The following NFIC variants were observed in gnomAD, a reference collection of about 807,000 sequenced individuals.
The protein encoded by NFIC is nuclear factor I C.
NFIC carries 12 observed loss-of-function variants against 54.4 expected under a neutral mutation model. The ratio of observed to expected loss-of-function variants is 0.22; its 90% CI spans 0.14 to 0.36. The LOEUF is 0.36. Ranked by LOEUF, NFIC falls within the 10% of genes least tolerant of loss-of-function variation. NFIC has a pLI of 1.00. For synonymous variants in NFIC, 322 were observed against 319.2 expected, an observed-to-expected ratio of 1.01 and a Z score of -0.09; for missense variants, 575 against 718.2, an observed-to-expected ratio of 0.80 and a Z score of 2.28.
rs988799370 is a variant in NFIC at position 3,454,018 on chromosome 19, C to T, written c.1423+102C>T. 3.6e-6 allele frequency: 5 copies of T among 1,397,172 alleles called. No individual in the cohort carries two copies. In the African/African-American group the frequency reaches 4.5e-5, roughly 13 times the overall value. 86.5% of individuals were successfully genotyped at this position (1,397,172 alleles called of 1,614,324 possible). ...AGGTCAGAGGTCAGGCCCGACCCTG[C>T]AGGGCCTGGCGAGTTTGGTGGGTCT... On this transcript the variant is annotated intron_variant, in intron 9 of 10. Coordinates refer to ENST00000443272, the MANE Select transcript of NFIC (RefSeq NM_001245002.2).
At position 3,458,470 on chromosome 19, in the gene NFIC, T is replaced by G. The variant is rs1238994770; in HGVS notation, c.1509+1835T>G. Among the ~76,000 whole-genome samples the G allele has an allele frequency of 6.6e-6, 1 of 151,934 alleles. No homozygotes were observed. Among genetic ancestry groups the G allele is most frequent in the East Asian group, 1.9e-4 (1 of 5,166 alleles). On this transcript the variant is annotated intron_variant, in intron 10 of 10. Coordinates refer to ENST00000443272, the MANE Select transcript of NFIC (RefSeq NM_001245002.2). This position sits in a 1 kb window ranked among gnomAD's most constrained non-coding sequence, Gnocchi z 4.1. ...CCCTCCCGCCAGGGCCCGGGACCCT[T>G]CTCTCAGACTGTGCTGGCTCCAGCC...
intron 3 of NFIC, among the ~76,000 whole-genome samples, chr19:3,425,648 C>T (rs963120550): frequency 2.6e-5 from 4 of 151,578 alleles, no homozygotes; most frequent in Non-Finnish European, 5.9e-5. Context: ...TTAGTAGAGA[C>T]GGGGTTTCAC....
chr19:3,402,964 C>A (rs1001096736), intron 2 of NFIC, among the ~76,000 whole-genome samples: 1 of 152,094 alleles, frequency 6.6e-6, no homozygotes, highest in Non-Finnish European at 1.5e-5. Flanking sequence ...TTTGACTACT[C>A]CCCCAAATCT....
At chr19:3,359,767 T>TG in intron 1 of NFIC, 1 of 1,305,376 alleles carries the variant, frequency 7.7e-7, no homozygotes, top group Non-Finnish European at 9.9e-7. Context: ...TTGCAAGATC[T>TG]GGGGGGACAG....
intron 5 of NFIC, 103 bp from the exon 6 acceptor site, chr19:3,434,980 T>C: frequency 7.2e-7 from 1 of 1,395,302 alleles, no homozygotes; most frequent in Non-Finnish European, 9.6e-7. Flanking sequence ...ACTACCTCCC[T>C]CGCCCCCGCT....
chr19:3,376,623 A>T (rs1423360384), intron 1 of NFIC, among the ~76,000 whole-genome samples: 1 of 152,068 alleles, frequency 6.6e-6, no homozygotes, highest in African/African-American at 2.4e-5. Flanking sequence ...AGTCCCAGCT[A>T]CTCAGGAAGC....
At chr19:3,371,900 C>CTTCCTTCT (rs2081018832) in intron 1 of NFIC, among the ~76,000 whole-genome samples, 1 of 117,208 alleles carries the variant, frequency 8.5e-6, no homozygotes, top group Non-Finnish European at 1.8e-5. Context: ...TCCTTCCTTC[C>CTTCCTTCT]TTCCTTCCTT....
At chr19:3,366,123 CT>C (rs1363222846), upstream of NFIC, among the ~76,000 whole-genome samples, 3 of 151,728 alleles carry the variant, frequency 2.0e-5, no homozygotes, top group Non-Finnish European at 4.4e-5. Flanking sequence ...AAATCCACCC[CT>C]GGCCCCTCAA....
At chr19:3,394,526 C>CA (rs2081430057) in intron 2 of NFIC, among the ~76,000 whole-genome samples, 1 of 66,488 alleles carries the variant, frequency 1.5e-5, no homozygotes, top group Admixed American at 1.7e-4. Context: ...CCCACCCACC[C>CA]CCCACCCGCT....
rs1315599124 is a variant in NFIC at position 3,452,699 on chromosome 19, T to G, written c.1269+33T>G. On this transcript the variant is annotated intron_variant, in intron 8 of 10. Transcript: ENST00000443272. The surrounding 1 kb of genome is among the most constrained non-coding windows in gnomAD (Gnocchi z 5.3). ...GGGCGGGGCGCATTCGGGCCTCTCC[T>G]GGCGGCTCCAGGTGACCTCCCGGGG... 1 of 1,555,508 alleles carries G rather than the reference T, an allele frequency of 6.4e-7. No individual in the cohort carries two copies. The highest frequency in any genetic ancestry group is 1.8e-5 in the Admixed American group (1 of 54,156).
At chr19:3,454,173 G>A (rs1033580924) in intron 9 of NFIC, 10 of 1,263,598 alleles carry the variant, frequency 7.9e-6, no homozygotes, top group African/African-American at 1.6e-5. Flanking sequence ...TCACCTGGGG[G>A]ACCCCGGTGC....
At position 3,462,931 on chromosome 19, in the gene NFIC, C is replaced by T. The variant is rs941271922; in HGVS notation, c.*162C>T. The T allele has an allele frequency of 1.8e-5, 27 of 1,469,704 alleles. No individual in the cohort carries two copies. Among genetic ancestry groups the T allele is most frequent in the African/African-American group, 1.1e-4 (8 of 69,840 alleles). The allele number at this position is 1,469,704 out of a possible 1,614,324, so 91.0% of individuals were successfully genotyped here. On this transcript the variant is annotated 3_prime_UTR_variant, in exon 11 of 11. Coordinates refer to ENST00000443272, the MANE Select transcript of NFIC (RefSeq NM_001245002.2). The stretch of plus-strand genomic sequence containing the variant: ...AAGACAAAACACATAGACGCACACA[C>T]TCAGGAGGAAAAGAAAAAACAAAGG...
chr19:3,401,362 G>A (rs1850581856), intron 2 of NFIC, among the ~76,000 whole-genome samples: 1 of 152,128 alleles, frequency 6.6e-6, no homozygotes, highest in African/African-American at 2.4e-5. Context: ...AGGGCAGAGT[G>A]GACCGCCCTG....
At chr19:3,387,332 T>C (rs1292753863) in intron 2 of NFIC, among the ~76,000 whole-genome samples, 1 of 152,060 alleles carries the variant, frequency 6.6e-6, no homozygotes, top group Non-Finnish European at 1.5e-5. Context: ...TGAAACCCCA[T>C]CTCTACTAAA....
chr19:3,404,639 G>GT (rs1286404303), intron 2 of NFIC, among the ~76,000 whole-genome samples: 1 of 152,014 alleles, frequency 6.6e-6, no homozygotes, highest in Non-Finnish European at 1.5e-5. Context: ...CCCGAGGCCG[G>GT]TGCCAGCCTG....
intron 9 of NFIC, 148 bp from the exon 10 acceptor site, chr19:3,456,402 G>A (rs2082556711): frequency 2.8e-6 from 2 of 712,854 alleles, no homozygotes; most frequent in South Asian, 3.6e-5. Flanking sequence ...TCAACTGGGG[G>A]TAGGGCGGCA....
upstream of NFIC, among the ~76,000 whole-genome samples, chr19:3,364,965 G>T (rs2080862601): frequency 6.6e-6 from 1 of 152,198 alleles, no homozygotes; most frequent in Non-Finnish European, 1.5e-5. Flanking sequence ...CAGCTGCACA[G>T]TGGGTTTAAA....
chr19:3,404,005 C>T (rs909915687), intron 2 of NFIC, among the ~76,000 whole-genome samples: 5 of 152,080 alleles, frequency 3.3e-5, no homozygotes, highest in African/African-American at 1.2e-4. Context: ...GGGCTCCCTT[C>T]TCCACCCCCC....
rs142147316 is a variant in NFIC, at chr19:3,454,891, A to G, written c.1423+975A>G. Reference sequence around the variant, plus strand: ...GCCAGAACCCAGGCTGCCTGCCCATAAAAACCGGCTTCTGATCACTGGCTG... The same window carrying G: ...GCCAGAACCCAGGCTGCCTGCCCATGAAAACCGGCTTCTGATCACTGGCTG... On this transcript the variant is annotated intron_variant, in intron 9 of 10. Transcript: ENST00000443272. Among the ~76,000 whole-genome samples the G allele has an allele frequency of 6.2e-3, 937 of 152,070 alleles. 8 individuals carry two copies. Among genetic ancestry groups the G allele is most frequent in the African/African-American group, 0.021 (883 of 41,476 alleles).
Sources: allele counts gnomAD v4.1 joint callset (sites outside exome capture counted in the v4.1 genomes callset), GRCh38; gene constraint gnomAD v4.1.1; non-coding constraint Gnocchi (gnomAD v3.1); transcripts MANE v1.5; gene names NCBI Gene and HGNC (gene_info 2026-07-23, HGNC 2026-07-21).